The following CHRNB4 variants were observed in gnomAD, a reference collection of about 807,000 sequenced individuals.
The protein encoded by CHRNB4 is cholinergic receptor nicotinic beta 4 subunit, also known as neuronal acetylcholine receptor subunit beta-4.
In CHRNB4, 23 loss-of-function variants were observed where a neutral mutation model predicts 40.4. The observed-to-expected ratio is 0.57, with a 90% CI of 0.41 to 0.81. The LOEUF (loss-of-function observed/expected upper bound fraction) is 0.81. CHRNB4 is among the 30% of genes least tolerant of loss of function. The pLI is 0.00. For synonymous variants in CHRNB4, 285 were observed against 274.4 expected, an observed-to-expected ratio of 1.04 and a Z score of -0.38; for missense variants, 568 against 670.6, an observed-to-expected ratio of 0.85 and a Z score of 1.69.
chr15:78,628,917 T>C, intron 5 of CHRNB4, 50 bp downstream of exon 5: 1 of 1,565,756 alleles, frequency 6.4e-7, no homozygotes, highest in Non-Finnish European at 8.7e-7. Context: ...GGTGCTACTA[T>C]CTGAGCCCTT....
At chr15:78,631,357 G>C in intron 2 of CHRNB4, 25 bp from the exon 3 acceptor site, 2 of 1,610,340 alleles carry the variant, frequency 1.2e-6, no homozygotes, top group Non-Finnish European at 1.7e-6. Context: ...GGGGCTATCA[G>C]TTCACCAGGA....
rs1358901986 is a variant in CHRNB4, at chr15:78,629,497, C to T, written c.808G>A (p.Val270Met). The change falls in exon 5 of 6, where the codon GTG becomes ATG. Residue 270 changes from valine (V) to methionine (M), a missense_variant. Transcript: ENST00000261751. The surrounding 1 kb of genome is among the most constrained non-coding windows in gnomAD (Gnocchi z 6.8). Reference protein sequence around the residue: ...CGEKMTLCISVLLALTFFLLL... With the variant: ...CGEKMTLCISMLLALTFFLLL... ...AGGAAGAATGTCAGTGCCAGCAGCA[C>T]TGAGATGCACAGTGTCATCTTCTCG... The T allele has an allele frequency of 5.0e-6, 8 of 1,614,148 alleles. No individual in the cohort carries two copies. Among genetic ancestry groups the T allele is most frequent in the East Asian group, 2.2e-5 (1 of 44,886 alleles).
intron 2 of CHRNB4, among the ~76,000 whole-genome samples, chr15:78,658,026 CTCTT>C (rs1440712225): frequency 3.2e-5 from 3 of 93,130 alleles, no homozygotes; most frequent in East Asian, 2.8e-4. Context: ...TCTCTTGTTT[CTCTT>C]TTTTTTTTTT....
At chr15:78,650,888 G>A (rs528939036) in intron 6 of CHRNB4, among the ~76,000 whole-genome samples, 1 of 152,284 alleles carries the variant, frequency 6.6e-6, no homozygotes, top group East Asian at 1.9e-4. Context: ...GATTGGCAGC[G>A]GGGAAAAATG....
rs954720145 is a variant in CHRNB4 at position 78,649,530 on chromosome 15, T to C, written c.-15-91A>G. 12 of 351,814 alleles carry C rather than the reference T, an allele frequency of 3.4e-5. No individual in the cohort carries two copies. The East Asian group carries it at 7.5e-4, about 22-fold the overall frequency. 21.8% of individuals were successfully genotyped at this position (351,814 alleles called of 1,614,324 possible). ...AGCAAAGACTGCAACAGAGACCATA[T>C]GTTGCCTGCAAAGCCTAAAATATCT... On this transcript the variant is annotated intron_variant and NMD_transcript_variant, in intron 6 of 11. Transcript: ENST00000559849.
At chr15:78,627,489 T>C (rs1255285925) in intron 5 of CHRNB4, 1 of 152,232 alleles carries the variant, frequency 6.6e-6, no homozygotes, top group Non-Finnish European at 1.5e-5. Flanking sequence ...GTTCCTGCTC[T>C]TTTCTCTGTG....
chr15:78,644,778 T>G (rs2054109291), upstream of CHRNB4, among the ~76,000 whole-genome samples: 1 of 152,192 alleles, frequency 6.6e-6, no homozygotes, highest in African/African-American at 2.4e-5. Context: ...CCCAATAGAT[T>G]TTTTTGTGAA....
chr15:78,655,213 A>ATT (rs912409201), intron 5 of CHRNB4, among the ~76,000 whole-genome samples: 3 of 146,090 alleles, frequency 2.1e-5, no homozygotes, highest in Middle Eastern at 7.2e-3. Flanking sequence ...ACAGTACATA[A>ATT]TTTTTTTTTT....
chr15:78,660,649 A>T (rs1031013532), upstream of CHRNB4: 7 of 171,050 alleles, frequency 4.1e-5, no homozygotes, highest in African/African-American at 1.7e-4. Flanking sequence ...TGTGTGTCAC[A>T]CTGACCTCAT....
chr15:78,633,834 C>G (rs1212227148), intron 2 of CHRNB4, among the ~76,000 whole-genome samples: 2 of 151,140 alleles, frequency 1.3e-5, no homozygotes, highest in African/African-American at 4.9e-5. Context: ...AACAGGCAAG[C>G]CCAGGAGCAG....
At position 78,634,191 on chromosome 15, in the gene CHRNB4, G is replaced by A. The variant is rs929618987; in HGVS notation, c.204+1248C>T. Among the ~76,000 whole-genome samples, 4 of 152,286 alleles carry A rather than the reference G, an allele frequency of 2.6e-5. 1 individual carries two copies. The South Asian group carries it at 6.2e-4, about 24-fold the overall frequency. The stretch of plus-strand genomic sequence containing the variant: ...CTTGCATGGGTGGGGGCTGGTGGCC[G>A]CATCCCCTCCTCCTTCTGGTAGCCG... On this transcript the variant is annotated intron_variant, in intron 2 of 5. Coordinates refer to ENST00000261751, the MANE Select transcript of CHRNB4 (RefSeq NM_000750.5).
upstream of CHRNB4, chr15:78,661,398 G>A (rs7163204): frequency 0.21 from 107,864 of 521,310 alleles, 14,153 homozygotes; most frequent in Admixed American, 0.4. Flanking sequence ...CGGCCAGGAA[G>A]CTTCATCTTC....
chr15:78,657,582 C>T (rs1168672217), intron 2 of CHRNB4, among the ~76,000 whole-genome samples: 1 of 152,096 alleles, frequency 6.6e-6, no homozygotes, highest in Non-Finnish European at 1.5e-5. Flanking sequence ...GAGACGGAGT[C>T]TCACTCTGTC....
At chr15:78,646,627 T>C (rs1319562885) in intron 7 of CHRNB4, among the ~76,000 whole-genome samples, 1 of 152,148 alleles carries the variant, frequency 6.6e-6, no homozygotes, top group Admixed American at 6.5e-5. Context: ...TTTTGTATCC[T>C]CACATGGCAG....
chr15:78,655,493 T>C (rs2054207089), intron 5 of CHRNB4: 1 of 150,056 alleles, frequency 6.7e-6, no homozygotes, highest in African/African-American at 2.4e-5. Flanking sequence ...TCACATATAA[T>C]TACATATGTA....
In CHRNB4 at chr15:78,629,101, CG is replaced by C; in HGVS notation, c.1203del (p.Gly402AlafsTer27). The C allele has an allele frequency of 6.2e-7, 1 of 1,614,120 alleles. No homozygotes were observed. The highest frequency in any genetic ancestry group is 8.5e-7 in the Non-Finnish European group (1 of 1,180,024). On this transcript the variant is annotated frameshift_variant, in exon 5 of 6. Transcript: ENST00000261751. LOFTEE classifies it high-confidence loss of function. This position sits in a 1 kb window ranked among gnomAD's most constrained non-coding sequence, Gnocchi z 6.8. ...NPASAASKSP[A>X]GSTPVAIPRD... ...CTGGGGATAGCCACCGGGGTAGAGC[CG>C]GCTGGAGACTTGGAAGCTGCAGAGG...
At chr15:78,635,193 A>G (rs1469245032) in intron 2 of CHRNB4, among the ~76,000 whole-genome samples, 1 of 152,218 alleles carries the variant, frequency 6.6e-6, no homozygotes, top group East Asian at 1.9e-4. Flanking sequence ...CAGCAGGCCC[A>G]TTGGCTGCCT....
At chr15:78,632,171 C>CTCTTTCTTTCTT (rs1274535496) in intron 2 of CHRNB4, among the ~76,000 whole-genome samples, 24 of 4,444 alleles carry the variant, frequency 5.4e-3, no homozygotes, top group Admixed American at 7.6e-3. Context: ...TCTTTTCTTT[C>CTCTTTCTTTCTT]TCTTTCTTTC....
At chr15:78,640,956 C>T (rs569657066) in intron 1 of CHRNB4, 123 bp downstream of exon 1, 2 of 1,150,512 alleles carry the variant, frequency 1.7e-6, no homozygotes, top group Non-Finnish European at 2.4e-6. Flanking sequence ...CCCATCTGGC[C>T]GGGACAATCT....
Sources: allele counts gnomAD v4.1 joint callset (sites outside exome capture counted in the v4.1 genomes callset), GRCh38; gene constraint gnomAD v4.1.1; non-coding constraint Gnocchi (gnomAD v3.1); transcripts MANE v1.5; gene names NCBI Gene and HGNC (gene_info 2026-07-23, HGNC 2026-07-21).